C1D: variants seen among roughly 807,000 people sequenced by gnomAD.
The protein encoded by C1D is nuclear nucleic acid-binding protein C1D.
A neutral mutation model predicts 17.5 loss-of-function variants in C1D; 10 were observed. The ratio of observed to expected loss-of-function variants is 0.57; its 90% CI spans 0.35 to 0.97. The LOEUF (loss-of-function observed/expected upper bound fraction) is 0.97. Among genes scored for constraint, C1D ranks in the 50% least tolerant of loss-of-function variants. C1D has a pLI of 0.01. For missense variants in C1D, 136 were observed against 160.1 expected, an observed-to-expected ratio of 0.85 and a Z score of 0.81; for synonymous variants, 49 against 54.0, an observed-to-expected ratio of 0.91 and a Z score of 0.40.
At chr2:68,046,519 C>A in intron 2 of C1D, 109 bp from the exon 3 acceptor site, 1 of 701,576 alleles carries the variant, frequency 1.4e-6, no homozygotes, top group Non-Finnish European at 2.4e-6. Context: ...TACAATGTAT[C>A]AAAGAAGTTT....
intron 1 of C1D, among the ~76,000 whole-genome samples, chr2:68,052,815 C>T (rs546626557): frequency 1.3e-5 from 2 of 152,144 alleles, no homozygotes; most frequent in African/African-American, 4.8e-5. Context: ...TTTATTCCTT[C>T]CACAGAAAAA....
At position 68,047,285 on chromosome 2, in the gene C1D, T is replaced by A; in HGVS notation, c.26A>T (p.Asp9Val). The A allele has an allele frequency of 6.2e-7, 1 of 1,610,586 alleles. No individual in the cohort carries two copies. Among genetic ancestry groups the A allele is most frequent in the Non-Finnish European group, 8.5e-7 (1 of 1,178,736 alleles). The change falls in exon 2 of 5, where the codon GAC (aspartate) becomes GTC (valine). Residue 9 changes from aspartate to valine, a missense_variant. Coordinates refer to ENST00000410067, the MANE Select transcript of C1D (RefSeq NM_173177.3). ...ATACTCGTGAATTTCTACTGGATAG[T>A]CTTCATTAATTTCTTCACCTGCCAT... MAGEEINEDYPVEIHEYLS... is the reference protein window; with the variant it reads MAGEEINEVYPVEIHEYLS...
Position 68,042,995 on chromosome 2 carries a change from C to T in C1D, c.320G>A (p.Gly107Asp). ...VKEITDKKKA[G>D]KLDRGAASRF... ...TGAAGCTGCACCTCTGTCCAGCTTG[C>T]CAGCCTTTTTCTTGTCTGTTATTTC... Residue 107 changes from glycine to aspartate, a missense_variant, in exon 5 of 5, where the codon GGC becomes GAC. By Grantham distance (94) the Gly-to-Asp change is moderately conservative. Transcript: ENST00000410067. 1 of 1,610,894 alleles carries T rather than the reference C, an allele frequency of 6.2e-7. No homozygotes were observed. Among genetic ancestry groups the T allele is most frequent in the Non-Finnish European group, 8.5e-7 (1 of 1,178,146 alleles).
chr2:68,058,477 C>T lies in C1D; in HGVS notation c.-10+4481G>A, dbSNP rs555328111. ...AATTAAGCAGACAAAAACTGTAGTG[C>T]GGGCAGAGAGAGTTCTCACAACTCT... On this transcript the variant is annotated intron_variant, in intron 1 of 4. Transcript: ENST00000410067. 7.8e-4 allele frequency among the ~76,000 whole-genome samples: 119 copies of T among 152,250 alleles called. 1 individual carries two copies. Among genetic ancestry groups the T allele is most frequent in the African/African-American group, 2.7e-3 (111 of 41,540 alleles).
At chr2:68,057,500 G>A (rs116811675) in intron 1 of C1D, among the ~76,000 whole-genome samples, 2,790 of 152,192 alleles carry the variant, frequency 0.018, 59 homozygotes, top group Middle Eastern at 0.024. Flanking sequence ...GAATGTGGAG[G>A]CATATTTGTA....
At chr2:68,043,176 T>C (rs1671019858) in intron 4 of C1D, 123 bp from the exon 5 acceptor site, 1 of 671,892 alleles carries the variant, frequency 1.5e-6, no homozygotes, top group Admixed American at 3.5e-5. Context: ...AAGTGCATGG[T>C]GCTAGGAAAT....
At chr2:68,053,329 G>C (rs983576010) in intron 1 of C1D, 38 of 1,001,054 alleles carry the variant, frequency 3.8e-5, no homozygotes, top group Non-Finnish European at 2.6e-5. Flanking sequence ...GAAAACAAGA[G>C]TGCATAGCAT....
intron 4 of C1D, among the ~76,000 whole-genome samples, chr2:68,044,647 G>A (rs1458643972): frequency 6.6e-6 from 1 of 152,026 alleles, no homozygotes; most frequent in Non-Finnish European, 1.5e-5. Context: ...GGTGGAGCTT[G>A]CAGTGAGCCA....
At chr2:68,053,362 A>G in intron 1 of C1D, 1 of 747,866 alleles carries the variant, frequency 1.3e-6, no homozygotes, top group Non-Finnish European at 2.0e-6. Context: ...TGAAGTCATC[A>G]GCTACCTCTT....
intron 1 of C1D, among the ~76,000 whole-genome samples, chr2:68,056,516 TAA>T (rs1243315215): frequency 2.0e-5 from 3 of 151,808 alleles, no homozygotes; most frequent in Non-Finnish European, 4.4e-5. Context: ...AATAAAAAAC[TAA>T]AAAAAGACAT....
chr2:68,049,069 C>A (rs76078044), intron 1 of C1D, among the ~76,000 whole-genome samples: 7,430 of 151,986 alleles, frequency 0.049, 347 homozygotes, highest in East Asian at 0.27. Context: ...TGGTGGCGCA[C>A]GCCTGTAATC....
chr2:68,061,449 AT>A, intron 1 of C1D, among the ~76,000 whole-genome samples: 1 of 152,254 alleles, frequency 6.6e-6, no homozygotes, highest in East Asian at 1.9e-4. Context: ...CAAGATTGAG[AT>A]GAACAATTAC....
intron 2 of C1D, 100 bp downstream of exon 2, chr2:68,047,073 A>G (rs905537246): frequency 1.2e-5 from 12 of 1,000,544 alleles, no homozygotes; most frequent in African/African-American, 3.4e-5. Context: ...AAAGGGGAAA[A>G]GGGGCATAGG....
chr2:68,060,243 A>G (rs554766001), intron 1 of C1D, among the ~76,000 whole-genome samples: 7 of 152,336 alleles, frequency 4.6e-5, no homozygotes, highest in South Asian at 4.1e-4. Context: ...AGATGTTATC[A>G]TCTCATCTGA....
intron 1 of C1D, among the ~76,000 whole-genome samples, chr2:68,056,324 G>A (rs1190521842): frequency 1.3e-5 from 2 of 151,752 alleles, no homozygotes; most frequent in African/African-American, 2.4e-5. Flanking sequence ...AGGCTGTCTC[G>A]AAATCCTGAC....
chr2:68,044,422 C>T (rs574308461), intron 4 of C1D, among the ~76,000 whole-genome samples: 2 of 152,188 alleles, frequency 1.3e-5, no homozygotes, highest in Non-Finnish European at 2.9e-5. Flanking sequence ...GTAACATCTA[C>T]GCAAGGTCAG....
chr2:68,056,796 C>T (rs1431882260), intron 1 of C1D, among the ~76,000 whole-genome samples: 3 of 152,184 alleles, frequency 2.0e-5, no homozygotes, highest in African/African-American at 7.2e-5. Flanking sequence ...TGAGAACAGC[C>T]TCCCATTCAC....
intron 1 of C1D, among the ~76,000 whole-genome samples, chr2:68,054,807 AT>A (rs1032954639): frequency 7.2e-5 from 11 of 151,780 alleles, no homozygotes; most frequent in Admixed American, 5.9e-4. Context: ...AAAAAAAAAA[AT>A]ATTTTTAATT....
chr2:68,059,011 T>C (rs1048588737), intron 1 of C1D, among the ~76,000 whole-genome samples: 139 of 152,306 alleles, frequency 9.1e-4, no homozygotes, highest in African/African-American at 3.1e-3. Flanking sequence ...TTTGCATTGC[T>C]ATGCAGGAAT....
Sources: gnomAD v4.1 joint callset for allele counts (sites outside exome capture counted in the v4.1 genomes callset) on GRCh38, gnomAD v4.1.1 for gene constraint, MANE v1.5 for transcripts, NCBI Gene and HGNC (gene_info 2026-07-23, HGNC 2026-07-21) for gene names.